SUPT3H: variants seen among roughly 807,000 people sequenced by gnomAD.
The protein encoded by SUPT3H is SPT3 homolog, SAGA and STAGA complex component, also known as transcription initiation protein SPT3 homolog.
Under a neutral mutation model 44.3 loss-of-function variants are expected in SUPT3H, and 44 were observed. The ratio of observed to expected loss-of-function variants is 0.99; its 90% CI spans 0.78 to 1.28. SUPT3H has a LOEUF of 1.28. Among genes scored for constraint, SUPT3H ranks in the 50% most tolerant of loss-of-function variants. The pLI is 0.00. For synonymous variants in SUPT3H, 124 were observed against 125.6 expected (o/e 0.99, Z 0.09); for missense variants, 380 against 387.1 (o/e 0.98, Z 0.15).
In SUPT3H at chr6:45,328,336, C is replaced by G. The variant is rs1481936682; in HGVS notation, c.101+36865G>C. The G allele has an allele frequency of 2.9e-6, 4 of 1,375,620 alleles. No individual in the cohort carries two copies. The Admixed American group carries it at 5.7e-5, about 20-fold the overall frequency. 85.2% of individuals were successfully genotyped at this position (1,375,620 alleles called of 1,614,324 possible). On this transcript the variant is annotated intron_variant, in intron 2 of 10. Transcript: ENST00000371459. ...TGGATTGTGTGAATGCTTCATTCGC[C>G]TCACAAACAACCACAGAACCACAAG...
At chr6:44,974,543 T>C (rs1397897729) in intron 6 of SUPT3H, among the ~76,000 whole-genome samples, 1 of 152,162 alleles carries the variant, frequency 6.6e-6, no homozygotes, top group African/African-American at 2.4e-5. Flanking sequence ...GGAGTAAGCA[T>C]TGTGCTTCTG....
intron 6 of SUPT3H, among the ~76,000 whole-genome samples, chr6:44,995,035 T>C (rs1781087125): frequency 6.6e-6 from 1 of 152,040 alleles, no homozygotes; most frequent in South Asian, 2.1e-4. Context: ...TATGACACTA[T>C]GTAGGGTTAT....
chr6:45,149,015 T>C (rs2153594864), intron 2 of SUPT3H, among the ~76,000 whole-genome samples: 1 of 152,310 alleles, frequency 6.6e-6, no homozygotes, highest in African/African-American at 2.4e-5. Flanking sequence ...TCCCAAACTT[T>C]TAGTACACAA....
chr6:45,095,670 T>A lies in SUPT3H; in HGVS notation c.186+10252A>T, dbSNP rs1797697512. ...TGGAATGGTAATTACATTCTATGCA[T>A]AAAATGTAGTGAATCTTTTGATATT... On this transcript the variant is annotated intron_variant, in intron 3 of 10. Coordinates refer to ENST00000371459, the MANE Select transcript of SUPT3H (RefSeq NM_003599.4). The surrounding 1 kb of genome is among the most constrained non-coding windows in gnomAD (Gnocchi z 4.1). 6.6e-6 allele frequency among the ~76,000 whole-genome samples: 1 copy of A among 152,168 alleles called. No individual in the cohort carries two copies. Among genetic ancestry groups the A allele is most frequent in the Non-Finnish European group, 1.5e-5 (1 of 68,002 alleles).
intron 10 of SUPT3H, among the ~76,000 whole-genome samples, chr6:44,919,105 A>T (rs900897766): frequency 6.6e-6 from 1 of 152,172 alleles, no homozygotes; most frequent in African/African-American, 2.4e-5. Context: ...CATTTCATAA[A>T]TCCTATAAAA....
At chr6:45,061,965 T>C (rs1792158139) in intron 3 of SUPT3H, among the ~76,000 whole-genome samples, 2 of 150,826 alleles carry the variant, frequency 1.3e-5, no homozygotes, top group Admixed American at 6.6e-5. Context: ...TGATGTGTTA[T>C]ATGAACACTT....
rs139872111 is a variant in SUPT3H, at chr6:44,836,220, C to A, written c.913-6363G>T. On this transcript the variant is annotated intron_variant, in intron 10 of 10. Coordinates refer to ENST00000371459, the MANE Select transcript of SUPT3H (RefSeq NM_003599.4). ...ATAGGCACATCTTGTTTGCACCATG[C>A]CATGTGACTTTTCTCCTTTTGATAA... Among the ~76,000 whole-genome samples the A allele has an allele frequency of 2.5e-3, 376 of 152,218 alleles. 3 individuals are homozygous for A. The highest frequency in any genetic ancestry group is 8.6e-3 in the African/African-American group (356 of 41,532).
chr6:44,825,560 T>C (rs1442857627), downstream of SUPT3H, among the ~76,000 whole-genome samples: 2 of 152,180 alleles, frequency 1.3e-5, no homozygotes, highest in Non-Finnish European at 2.9e-5. Flanking sequence ...CTCAGTTTCC[T>C]CTCTCCTGCC....
chr6:45,337,978 C>T (rs1194917577), intron 2 of SUPT3H, among the ~76,000 whole-genome samples: 2 of 151,858 alleles, frequency 1.3e-5, no homozygotes, highest in Non-Finnish European at 2.9e-5. Context: ...ATTCTAAATG[C>T]TTCTTTCATA....
At chr6:45,195,244 T>C (rs1815821017) in intron 2 of SUPT3H, among the ~76,000 whole-genome samples, 2 of 152,204 alleles carry the variant, frequency 1.3e-5, no homozygotes, top group South Asian at 4.1e-4. Flanking sequence ...TCACAGGAAA[T>C]TGTGTTTGTT....
At chr6:44,855,391 A>C (rs1303610756) in intron 10 of SUPT3H, among the ~76,000 whole-genome samples, 1 of 152,152 alleles carries the variant, frequency 6.6e-6, no homozygotes, top group Non-Finnish European at 1.5e-5. Flanking sequence ...CTCAGAAACG[A>C]ATACAAACTA....
chr6:44,995,372 A>G (rs1441873801), intron 6 of SUPT3H, among the ~76,000 whole-genome samples: 1 of 152,074 alleles, frequency 6.6e-6, no homozygotes, highest in Non-Finnish European at 1.5e-5. Context: ...GATCTATTTT[A>G]TTCCCTACCT....
chr6:44,996,502 C>T (rs1405985713), intron 6 of SUPT3H, among the ~76,000 whole-genome samples: 2 of 151,708 alleles, frequency 1.3e-5, no homozygotes, highest in East Asian at 1.9e-4. Context: ...GATTTTTTCA[C>T]CCCCAAACTG....
At chr6:45,257,793 T>C (rs1035437057) in intron 2 of SUPT3H, among the ~76,000 whole-genome samples, 3 of 152,140 alleles carry the variant, frequency 2.0e-5, no homozygotes, top group African/African-American at 7.2e-5. Flanking sequence ...TCATCACCTC[T>C]TAACCTTTTT....
chr6:45,310,522 T>C (rs1477602789), intron 2 of SUPT3H, among the ~76,000 whole-genome samples: 1 of 151,398 alleles, frequency 6.6e-6, no homozygotes, highest in East Asian at 1.9e-4. Context: ...CCTCACAGAG[T>C]CCGTTGCACC....
intron 2 of SUPT3H, among the ~76,000 whole-genome samples, chr6:45,269,417 T>G (rs1209077205): frequency 1.3e-5 from 2 of 152,160 alleles, no homozygotes; most frequent in African/African-American, 2.4e-5. Flanking sequence ...ACTATACCAT[T>G]TTAATCATCA....
At chr6:45,102,730 C>T (rs891666690) in intron 3 of SUPT3H, among the ~76,000 whole-genome samples, 1 of 151,964 alleles carries the variant, frequency 6.6e-6, no homozygotes, top group African/African-American at 2.4e-5. Flanking sequence ...TCCCTCAGGT[C>T]AGGTGTTCGA....
intron 10 of SUPT3H, among the ~76,000 whole-genome samples, chr6:44,870,283 T>C (rs1018741441): frequency 6.6e-6 from 1 of 152,284 alleles, no homozygotes; most frequent in Middle Eastern, 3.4e-3. Context: ...AAGAGTTTCA[T>C]CAGCATAGTA....
At chr6:45,211,781 G>A (rs539919538) in intron 2 of SUPT3H, among the ~76,000 whole-genome samples, 31 of 152,102 alleles carry the variant, frequency 2.0e-4, no homozygotes, top group African/African-American at 6.3e-4. Flanking sequence ...TCCCGGAGGC[G>A]GACGTTGCAG....
Sources: allele counts gnomAD v4.1 joint callset (sites outside exome capture counted in the v4.1 genomes callset), GRCh38; gene constraint gnomAD v4.1.1; non-coding constraint Gnocchi (gnomAD v3.1); transcripts MANE v1.5; gene names NCBI Gene and HGNC (gene_info 2026-07-23, HGNC 2026-07-21).